The following SYN3 variants were observed in gnomAD, a reference collection of about 807,000 sequenced individuals.
SYN3 encodes synapsin III.
SYN3 carries 35 observed loss-of-function variants against 65.8 expected under a neutral mutation model. The observed-to-expected ratio is 0.53, with a 90% CI of 0.41 to 0.70. The LOEUF is 0.70. Among genes scored for constraint, SYN3 ranks in the 30% least tolerant of loss-of-function variants. The probability of loss-of-function intolerance (pLI) is 0.00; values close to 1 mark genes in which losing one functional copy is unlikely to be tolerated. For missense variants in SYN3, 680 were observed against 749.0 expected, an observed-to-expected ratio of 0.91 and a Z score of 1.08; for synonymous variants, 270 against 292.9, an observed-to-expected ratio of 0.92 and a Z score of 0.80.
chr22:32,583,680 T>C (rs1046609771), intron 7 of SYN3, among the ~76,000 whole-genome samples: 4 of 152,176 alleles, frequency 2.6e-5, no homozygotes, highest in African/African-American at 9.7e-5. Context: ...AAAAATTACA[T>C]CCTGGGTCCT....
chr22:32,530,733 G>C (rs907476728), intron 10 of SYN3, among the ~76,000 whole-genome samples: 7 of 152,048 alleles, frequency 4.6e-5, no homozygotes, highest in Non-Finnish European at 4.4e-5. Context: ...GGCTGGGCGC[G>C]GTGGCTCACG....
chr22:32,827,038 C>T (rs1347431019), intron 6 of SYN3, among the ~76,000 whole-genome samples: 3 of 152,178 alleles, frequency 2.0e-5, no homozygotes, highest in Non-Finnish European at 4.4e-5. Context: ...GATTTGTTCA[C>T]TGGAATGCTG....
At chr22:32,859,393 C>T (rs771669401) in intron 6 of SYN3, 4 of 1,603,732 alleles carry the variant, frequency 2.5e-6, no homozygotes, top group Non-Finnish European at 3.4e-6. Context: ...AGACCCTGCC[C>T]CACCTCACTT....
chr22:32,992,984 T>G (rs1758524466), intron 2 of SYN3, among the ~76,000 whole-genome samples: 1 of 152,198 alleles, frequency 6.6e-6, no homozygotes, highest in African/African-American at 2.4e-5. Context: ...GCCTTCTTTT[T>G]GTGCAGTCCT....
In SYN3 at chr22:32,641,747, A is replaced by G. The variant is rs902864324; in HGVS notation, c.712-45011T>C. Among the ~76,000 whole-genome samples, 26 of 152,088 alleles carry G rather than the reference A, an allele frequency of 1.7e-4. 1 individual carries two copies. Among genetic ancestry groups the G allele is most frequent in the Non-Finnish European group, 3.2e-4 (22 of 68,030 alleles). ...AAATTGAAGGTGGTAATGGTTGCAC[A>G]TATCTGCGAATATACTAAAAGCCAC... On this transcript the variant is annotated intron_variant, in intron 6 of 13. Coordinates refer to ENST00000358763, the MANE Select transcript of SYN3 (RefSeq NM_003490.4).
chr22:32,738,613 G>T (rs889240505), intron 6 of SYN3, among the ~76,000 whole-genome samples: 1 of 152,202 alleles, frequency 6.6e-6, no homozygotes, highest in Non-Finnish European at 1.5e-5. Context: ...AAGTTCACAG[G>T]CAGGGGTAGG....
intron 1 of SYN3, among the ~76,000 whole-genome samples, chr22:33,054,891 C>T (rs1470900531): frequency 6.6e-6 from 1 of 152,206 alleles, no homozygotes; most frequent in African/African-American, 2.4e-5. Context: ...TCATCCCCAC[C>T]CTTTTCCCAT....
At chr22:32,820,350 C>CTG (rs1283815510) in intron 6 of SYN3, among the ~76,000 whole-genome samples, 11 of 112,308 alleles carry the variant, frequency 9.8e-5, no homozygotes, top group South Asian at 6.8e-4. Context: ...ACCCATTCCA[C>CTG]TGCGTGTGTG....
At chr22:32,961,915 C>A (rs1252155394) in intron 3 of SYN3, among the ~76,000 whole-genome samples, 1 of 152,126 alleles carries the variant, frequency 6.6e-6, no homozygotes, top group Non-Finnish European at 1.5e-5. Context: ...TAGCTTGGAA[C>A]CTTGAACCAC....
At chr22:32,943,759 C>G (rs1409283898) in intron 3 of SYN3, among the ~76,000 whole-genome samples, 1 of 152,034 alleles carries the variant, frequency 6.6e-6, no homozygotes, top group South Asian at 2.1e-4. Flanking sequence ...GACGACCTAC[C>G]AAGCAAATGG....
At chr22:32,635,253 A>C (rs2059800072) in intron 6 of SYN3, 1 of 152,066 alleles carries the variant, frequency 6.6e-6, no homozygotes, top group South Asian at 2.1e-4. Context: ...CTATCCATCC[A>C]TCCATCTATC....
rs538347720 is a variant in SYN3 at position 32,957,775 on chromosome 22, T to G, written c.369+22870A>C. 2.0e-5 allele frequency among the ~76,000 whole-genome samples: 3 copies of G among 152,352 alleles called. No individual in the cohort carries two copies. In the South Asian group the frequency reaches 6.2e-4, roughly 32 times the overall value. ...GGAAAGGAGGGAGCCCAAGGGCCAC[T>G]TTGCTCCTTGCAAATAGGTTGTTTC... is the stretch of plus-strand genomic sequence containing the variant. On this transcript the variant is annotated intron_variant, in intron 3 of 13. Coordinates refer to ENST00000358763, the MANE Select transcript of SYN3 (RefSeq NM_003490.4).
intron 5 of SYN3, among the ~76,000 whole-genome samples, chr22:32,867,007 A>G (rs28456229): frequency 0.26 from 40,082 of 152,022 alleles, 5,485 homozygotes; most frequent in African/African-American, 0.31. Context: ...TACTACCACC[A>G]CTTTCCAAAT....
At chr22:32,799,138 G>GGAGGACTCCCCTACGC (rs2046501366) in intron 6 of SYN3, among the ~76,000 whole-genome samples, 1 of 152,198 alleles carries the variant, frequency 6.6e-6, no homozygotes, top group Admixed American at 6.5e-5. Context: ...GACCCTAGCA[G>GGAGGACTCCCCTACGC]GAGGACTCCC....
At chr22:33,011,151 C>T (rs984292832) in intron 1 of SYN3, among the ~76,000 whole-genome samples, 1 of 152,044 alleles carries the variant, frequency 6.6e-6, no homozygotes, top group African/African-American at 2.4e-5. Context: ...TACCTTGTTC[C>T]GAATCTTAGG....
chr22:32,687,787 C>T (rs1245844427), intron 6 of SYN3, among the ~76,000 whole-genome samples: 8 of 152,190 alleles, frequency 5.3e-5, no homozygotes, highest in Admixed American at 3.9e-4. Context: ...TCTCTGTTCA[C>T]ATCTCTCCCT....
At chr22:32,786,658 G>A (rs546483142) in intron 6 of SYN3, among the ~76,000 whole-genome samples, 32 of 152,136 alleles carry the variant, frequency 2.1e-4, no homozygotes, top group East Asian at 7.7e-4. Flanking sequence ...CACCACGCCC[G>A]GCCCTGCAAC....
chr22:32,993,247 C>T (rs960407004), intron 2 of SYN3, among the ~76,000 whole-genome samples: 1 of 151,972 alleles, frequency 6.6e-6, no homozygotes, highest in Non-Finnish European at 1.5e-5. Flanking sequence ...GTGGAGGGGC[C>T]CGGGGATCCA....
chr22:32,709,158 A>T (rs1254257070), intron 6 of SYN3, among the ~76,000 whole-genome samples: 1 of 152,194 alleles, frequency 6.6e-6, no homozygotes, highest in East Asian at 1.9e-4. Flanking sequence ...CCCGGGGGAA[A>T]ATGACCTCTT....
Sources: gnomAD v4.1 joint callset for allele counts (sites outside exome capture counted in the v4.1 genomes callset) on GRCh38, gnomAD v4.1.1 for gene constraint, MANE v1.5 for transcripts, NCBI Gene and HGNC (gene_info 2026-07-23, HGNC 2026-07-21) for gene names.